Variants in UGGT1 observed in about 807,000 individuals in gnomAD.
The protein encoded by UGGT1 is UDP-glucose:glycoprotein glucosyltransferase 1.
In UGGT1, 107 loss-of-function variants were observed where a neutral mutation model predicts 203.9. The ratio of observed to expected loss-of-function variants is 0.52; its 90% confidence interval spans 0.45 to 0.62. The LOEUF (loss-of-function observed/expected upper bound fraction) is 0.62. UGGT1 is among the 20% of genes least tolerant of loss of function. The pLI, the probability that UGGT1 is intolerant of heterozygous loss-of-function variation, is 0.00. For missense variants in UGGT1, 1,673 were observed against 1,867.2 expected, an observed-to-expected ratio of 0.90 and a Z score of 1.92; for synonymous variants, 628 against 653.5, an observed-to-expected ratio of 0.96 and a Z score of 0.59.
At chr2:128,164,200 GTATT>G (rs1433968495) in intron 25 of UGGT1, among the ~76,000 whole-genome samples, 1 of 152,066 alleles carries the variant, frequency 6.6e-6, no homozygotes, top group Non-Finnish European at 1.5e-5. Context: ...AAATATCACT[GTATT>G]TATTAACCAA....
At chr2:128,115,046 A>G (rs1688035160) in intron 6 of UGGT1, 78 bp from the exon 7 acceptor site, 1 of 1,317,104 alleles carries the variant, frequency 7.6e-7, no homozygotes, top group South Asian at 1.2e-5. Context: ...TAGATGCAAC[A>G]TTAACATGGT....
In UGGT1 at chr2:128,154,058, T is replaced by TACACACAC. The variant is rs768281875; in HGVS notation, c.2137+1155_2137+1156insCACACACA. 2.2e-3 allele frequency among the ~76,000 whole-genome samples: 190 copies of TACACACAC among 86,906 alleles called. 1 individual carries two copies. Among genetic ancestry groups the TACACACAC allele is most frequent in the African/African-American group, 7.3e-3 (182 of 24,970 alleles). 57.0% of individuals were successfully genotyped at this position (86,906 alleles called of 152,430 possible). On this transcript the variant is annotated intron_variant, in intron 19 of 40. Coordinates refer to ENST00000259253, the MANE Select transcript of UGGT1 (RefSeq NM_020120.4). ...TAGGTAGAGGAAAAATACATGTATA[T>TACACACAC]ATACACACACACACACACACACACA...
At chr2:128,181,924 C>T (rs1691708940) in intron 36 of UGGT1, among the ~76,000 whole-genome samples, 1 of 152,220 alleles carries the variant, frequency 6.6e-6, no homozygotes, top group African/African-American at 2.4e-5. Flanking sequence ...CCTACTCCCA[C>T]ACACCTTGCT....
chr2:128,153,444 C>G (rs1031741311), intron 19 of UGGT1, among the ~76,000 whole-genome samples: 1 of 152,112 alleles, frequency 6.6e-6, no homozygotes, highest in Non-Finnish European at 1.5e-5. Context: ...TCACCACTGT[C>G]TAATGATACA....
Position 128,106,865 on chromosome 2 carries a change from T to A in UGGT1, c.278-1073T>A, listed in dbSNP as rs1048652519. Among the ~76,000 whole-genome samples, 143 of 152,228 alleles carry A rather than the reference T, an allele frequency of 9.4e-4. 1 individual carries two copies. The highest frequency in any genetic ancestry group is 3.2e-3 in the African/African-American group (134 of 41,550). ...GTGCCCTGCCTATTTCTATTTTTTT[T>A]AAAAAGAGACGCACTATGTTACCAA... On this transcript the variant is annotated intron_variant, in intron 3 of 40. Coordinates refer to ENST00000259253, the MANE Select transcript of UGGT1 (RefSeq NM_020120.4).
chr2:128,166,754 T>C (rs1690810837), intron 26 of UGGT1, among the ~76,000 whole-genome samples: 1 of 152,250 alleles, frequency 6.6e-6, no homozygotes, highest in Non-Finnish European at 1.5e-5. Flanking sequence ...GTAATGTATA[T>C]AGCCTTTGCT....
intron 33 of UGGT1, 21 bp from the exon 34 acceptor site, chr2:128,178,447 T>C (rs1373983220): frequency 1.3e-6 from 2 of 1,593,950 alleles, no homozygotes; most frequent in Non-Finnish European, 1.7e-6. Flanking sequence ...AGTGGTCTTT[T>C]TTTTACCCTT....
rs1691829407 is a variant in UGGT1 at position 128,183,765 on chromosome 2, T to C, written c.4335T>C (p.Pro1445=). ...AGTACCAAGGTCTGAGTCAGGACCCTAACAGCCTTTCAAATCTTGATCAAG... is the reference window on the plus strand; with the variant it reads ...AGTACCAAGGTCTGAGTCAGGACCCCAACAGCCTTTCAAATCTTGATCAAG... ...RGQYQGLSQD[P]NSLSNLDQDL... Residue 1445 remains proline (P), a synonymous_variant, in exon 38 of 41, where the codon CCT becomes CCC. Coordinates refer to ENST00000259253, the MANE Select transcript of UGGT1 (RefSeq NM_020120.4). The C allele has an allele frequency of 6.2e-7, 1 of 1,613,890 alleles. No individual in the cohort carries two copies. Among genetic ancestry groups the C allele is most frequent in the African/African-American group, 1.3e-5 (1 of 74,926 alleles).
At chr2:128,188,747 T>A (rs1165551852) in intron 40 of UGGT1, among the ~76,000 whole-genome samples, 2 of 152,154 alleles carry the variant, frequency 1.3e-5, no homozygotes, top group African/African-American at 4.8e-5. Flanking sequence ...AGGTCAAGGT[T>A]GCAGTGAGCG....
intron 31 of UGGT1, 140 bp from the exon 32 acceptor site, chr2:128,176,674 G>A (rs554855412): frequency 8.9e-6 from 7 of 788,024 alleles, no homozygotes; most frequent in African/African-American, 7.0e-5. Context: ...TGTGCAGCTC[G>A]AAGGAGCTTA....
chr2:128,107,237 G>A (rs1687648860), intron 3 of UGGT1, among the ~76,000 whole-genome samples: 1 of 151,646 alleles, frequency 6.6e-6, no homozygotes, highest in African/African-American at 2.4e-5. Context: ...ATTGTTTTGT[G>A]CCTTTGCTTT....
At chr2:128,176,718 C>G in intron 31 of UGGT1, 96 bp from the exon 32 acceptor site, 1 of 1,197,772 alleles carries the variant, frequency 8.3e-7, no homozygotes, top group Non-Finnish European at 1.2e-6. Flanking sequence ...TGGAAAACTC[C>G]TTTATGAGAA....
At chr2:128,098,124 A>G (rs1025820371) in intron 2 of UGGT1, among the ~76,000 whole-genome samples, 2 of 152,288 alleles carry the variant, frequency 1.3e-5, no homozygotes, top group South Asian at 2.1e-4. Context: ...TGGCCTCCCA[A>G]AGTGCTGGGA....
chr2:128,171,900 C>T (rs1691126218), intron 28 of UGGT1, among the ~76,000 whole-genome samples: 1 of 152,106 alleles, frequency 6.6e-6, no homozygotes, highest in African/African-American at 2.4e-5. Context: ...TTGTCATGAG[C>T]TTTGGAATGG....
intron 5 of UGGT1, 36 bp from the exon 6 acceptor site, chr2:128,113,048 T>G: frequency 6.9e-7 from 1 of 1,446,718 alleles, no homozygotes; most frequent in Non-Finnish European, 9.2e-7. Context: ...TTCACAATTA[T>G]TTTTAAAGTT....
intron 8 of UGGT1, among the ~76,000 whole-genome samples, chr2:128,117,630 G>A (rs1688174601): frequency 6.8e-6 from 1 of 147,242 alleles, no homozygotes; most frequent in Non-Finnish European, 1.5e-5. Context: ...TGCAAGCTCC[G>A]CCTCCTGGGT....
chr2:128,103,367 T>C (rs1008078326), intron 2 of UGGT1, among the ~76,000 whole-genome samples: 2 of 152,222 alleles, frequency 1.3e-5, no homozygotes, highest in East Asian at 3.8e-4. Flanking sequence ...ATTAAGTTCT[T>C]GGATCTGATT....
At chr2:128,100,580 ATTT>A (rs1264351444) in intron 2 of UGGT1, among the ~76,000 whole-genome samples, 7 of 88,334 alleles carry the variant, frequency 7.9e-5, no homozygotes, top group South Asian at 3.5e-4. Context: ...CTAATTTTGT[ATTT>A]TTTTTTTTTT....
At chr2:128,183,357 A>G (rs764692977) in intron 37 of UGGT1, among the ~76,000 whole-genome samples, 5 of 152,204 alleles carry the variant, frequency 3.3e-5, no homozygotes, top group Non-Finnish European at 5.9e-5. Context: ...CATCATCAGG[A>G]TATCATTGAA....
Sources: allele counts gnomAD v4.1 joint callset (sites outside exome capture counted in the v4.1 genomes callset), GRCh38; gene constraint gnomAD v4.1.1; transcripts MANE v1.5; gene names NCBI Gene and HGNC (gene_info 2026-07-23, HGNC 2026-07-21).